SAMMSON: variants seen among roughly 807,000 people sequenced by gnomAD.
The protein encoded by SAMMSON is survival associated mitochondrial melanoma specific oncogenic non-coding RNA.
downstream of SAMMSON, among the ~76,000 whole-genome samples, chr3:70,390,821 C>A (rs899722140): frequency 1.3e-5 from 2 of 152,008 alleles, no homozygotes; most frequent in Non-Finnish European, 2.9e-5. Flanking sequence ...AAAAATAAAT[C>A]TTTAGTCTTG....
Position 70,356,734 on chromosome 3 carries a change from T to C in SAMMSON, n.843-1520T>C, listed in dbSNP as rs557737316. 9.8e-5 allele frequency among the ~76,000 whole-genome samples: 15 copies of C among 152,296 alleles called. No individual in the cohort carries two copies. In the South Asian group the frequency reaches 2.5e-3, roughly 25 times the overall value. ...TTTTCATGAATGAGCAGAAGTTAAA[T>C]TGATGTTTCTTTCTGCCTTAAGAAT... On this transcript the variant is annotated intron_variant and non_coding_transcript_variant, in intron 8 of 9. Coordinates refer to ENST00000642114, the Ensembl canonical transcript of SAMMSON.
intron 4 of SAMMSON, among the ~76,000 whole-genome samples, chr3:70,151,374 G>A (rs1280384815): frequency 6.6e-6 from 1 of 151,996 alleles, no homozygotes; most frequent in African/African-American, 2.4e-5. Flanking sequence ...AACAAAGCTG[G>A]ATGCTAGAAA....
chr3:70,255,919 A>G (rs1012262996), intron 6 of SAMMSON, among the ~76,000 whole-genome samples: 4 of 152,174 alleles, frequency 2.6e-5, no homozygotes, highest in African/African-American at 9.7e-5. Context: ...CAGGAAAAAA[A>G]TTCTAATTAC....
At chr3:70,302,055 A>G (rs1042278185) in intron 7 of SAMMSON, among the ~76,000 whole-genome samples, 2 of 152,120 alleles carry the variant, frequency 1.3e-5, no homozygotes, top group Non-Finnish European at 2.9e-5. Context: ...CTGATGTCTT[A>G]TTTAATACTA....
At chr3:70,320,741 T>A (rs765287104) in intron 7 of SAMMSON, among the ~76,000 whole-genome samples, 3 of 152,012 alleles carry the variant, frequency 2.0e-5, no homozygotes, top group Non-Finnish European at 2.9e-5. Context: ...GCCAATCCAA[T>A]CCTCTCCCAA....
intron 4 of SAMMSON, chr3:70,196,930 C>A: frequency 5.0e-6 from 2 of 398,486 alleles, no homozygotes; most frequent in Non-Finnish European, 8.9e-6. Flanking sequence ...ACTGTGCTAG[C>A]GGTAACAGAT....
At chr3:70,095,284 C>CT (rs935588482) in intron 4 of SAMMSON, among the ~76,000 whole-genome samples, 6 of 152,188 alleles carry the variant, frequency 3.9e-5, no homozygotes, top group African/African-American at 1.4e-4. Context: ...TCTTTTGACT[C>CT]TAACTTCCAT....
intron 1 of SAMMSON, among the ~76,000 whole-genome samples, chr3:70,009,601 T>C (rs1006766575): frequency 6.6e-6 from 1 of 151,934 alleles, no homozygotes; most frequent in Non-Finnish European, 1.5e-5. Flanking sequence ...CCTGGATTCA[T>C]TGATTTTTTT....
chr3:70,325,460 C>A (rs1702571588), intron 7 of SAMMSON, among the ~76,000 whole-genome samples: 1 of 152,124 alleles, frequency 6.6e-6, no homozygotes, highest in South Asian at 2.1e-4. Context: ...TTCAAGTGTT[C>A]ATTTACATTT....
chr3:70,122,459 C>T (rs553418630), intron 4 of SAMMSON, among the ~76,000 whole-genome samples: 81 of 152,278 alleles, frequency 5.3e-4, no homozygotes, highest in African/African-American at 1.9e-3. Context: ...TCCACCTGCT[C>T]GCCCTCCCAA....
At chr3:70,214,754 A>G (rs1701389462) in intron 4 of SAMMSON, among the ~76,000 whole-genome samples, 1 of 152,128 alleles carries the variant, frequency 6.6e-6, no homozygotes. Context: ...TTGACTCCTA[A>G]GAGATAGTTG....
intron 4 of SAMMSON, chr3:70,072,612 A>G (rs1242820727): frequency 1.3e-5 from 2 of 150,594 alleles, no homozygotes; most frequent in Non-Finnish European, 3.0e-5. Flanking sequence ...GACTTGGGAA[A>G]GAAGAGAAAA....
chr3:70,290,905 G>A (rs967960649), intron 6 of SAMMSON, among the ~76,000 whole-genome samples: 3 of 152,160 alleles, frequency 2.0e-5, no homozygotes, highest in Admixed American at 6.5e-5. Flanking sequence ...GCAATGCCTC[G>A]CCCTGCTTCG....
chr3:70,044,169 C>T (rs912566105), intron 3 of SAMMSON, among the ~76,000 whole-genome samples: 2 of 151,940 alleles, frequency 1.3e-5, no homozygotes, highest in Non-Finnish European at 2.9e-5. Context: ...ATGACCAATC[C>T]TTAGCCCACT....
intron 4 of SAMMSON, among the ~76,000 whole-genome samples, chr3:70,224,981 A>G (rs1701490125): frequency 6.6e-6 from 1 of 152,156 alleles, no homozygotes; most frequent in Non-Finnish European, 1.5e-5. Flanking sequence ...AGGATTTTGG[A>G]TAGGTGACAT....
At chr3:70,152,228 T>A (rs2067574832) in intron 4 of SAMMSON, among the ~76,000 whole-genome samples, 1 of 151,944 alleles carries the variant, frequency 6.6e-6, no homozygotes, top group African/African-American at 2.4e-5. Context: ...TGAAAAAAAA[T>A]CATCAAACAA....
At chr3:70,363,645 A>G (rs1702894443) in intron 9 of SAMMSON, among the ~76,000 whole-genome samples, 2 of 152,062 alleles carry the variant, frequency 1.3e-5, no homozygotes, top group Non-Finnish European at 2.9e-5. Context: ...TTTAGTACAA[A>G]TTAACTTAGA....
At chr3:70,422,470 A>G (rs1701321112) in intron 2 of SAMMSON, among the ~76,000 whole-genome samples, 1 of 152,052 alleles carries the variant, frequency 6.6e-6, no homozygotes, top group African/African-American at 2.4e-5. Flanking sequence ...TTGAACTAGA[A>G]TACTACTATA....
At chr3:70,334,470 T>A (rs1428338302) in intron 7 of SAMMSON, among the ~76,000 whole-genome samples, 1 of 152,002 alleles carries the variant, frequency 6.6e-6, no homozygotes, top group Non-Finnish European at 1.5e-5. Context: ...AAATTATGTT[T>A]CACTAGTAGG....
Sources: gnomAD v4.1 joint callset for allele counts (sites outside exome capture counted in the v4.1 genomes callset) on GRCh38, gnomAD v4.1.1 for gene constraint, MANE v1.5 for transcripts, NCBI Gene and HGNC (gene_info 2026-07-23, HGNC 2026-07-21) for gene names.